Variants in GNG12 observed in about 807,000 individuals in gnomAD.
GNG12 encodes the protein G protein subunit gamma 12, also known as guanine nucleotide-binding protein G(I)/G(S)/G(O) subunit gamma-12.
For synonymous variants in GNG12, 28 were observed against 29.7 expected (o/e 0.94, Z 0.19); for missense variants, 69 against 83.8 (o/e 0.82, Z 0.69).
At chr1:67,765,650 C>A (rs1051575066) in intron 2 of GNG12, among the ~76,000 whole-genome samples, 5 of 152,142 alleles carry the variant, frequency 3.3e-5, no homozygotes, top group Admixed American at 3.3e-4. Context: ...TTTAAAAATA[C>A]ACAAAAAGTA....
Position 67,733,334 on chromosome 1 carries a change from C to T in GNG12, c.-26-25622G>A, listed in dbSNP as rs1570496323. On this transcript the variant is annotated intron_variant, in intron 2 of 3. Coordinates refer to ENST00000370982, the MANE Select transcript of GNG12 (RefSeq NM_018841.6). ...TAGAATACAAAGTTAAAACTCTTGC[C>T]TTCAAATTTCACTCTAAAGGGGTAA... 2.0e-5 allele frequency among the ~76,000 whole-genome samples: 3 copies of T among 152,230 alleles called. No individual in the cohort carries two copies. In the East Asian group the frequency reaches 5.8e-4, roughly 29 times the overall value.
At chr1:67,818,869 C>G (rs1413033930) in intron 1 of GNG12, among the ~76,000 whole-genome samples, 1 of 152,132 alleles carries the variant, frequency 6.6e-6, no homozygotes, top group Non-Finnish European at 1.5e-5. Flanking sequence ...AACTGAGACA[C>G]AGCCGTTAAA....
chr1:67,752,974 G>A (rs998968984), intron 2 of GNG12, among the ~76,000 whole-genome samples: 4 of 152,244 alleles, frequency 2.6e-5, no homozygotes, highest in East Asian at 1.9e-4. Context: ...TGACTGCTAC[G>A]CTGAATTATT....
At chr1:67,782,562 C>A (rs967270855) in intron 1 of GNG12, among the ~76,000 whole-genome samples, 3 of 152,080 alleles carry the variant, frequency 2.0e-5, no homozygotes, top group African/African-American at 7.2e-5. Context: ...CTTCTGAAGA[C>A]AAAGTTTTGT....
intron 1 of GNG12, among the ~76,000 whole-genome samples, chr1:67,782,667 T>TA (rs148417468): frequency 1.3e-5 from 2 of 152,172 alleles, no homozygotes; most frequent in Admixed American, 1.3e-4. Flanking sequence ...GTATAAATTT[T>TA]AAAAAAATAC....
chr1:67,752,982 A>G (rs1331418435), intron 2 of GNG12, among the ~76,000 whole-genome samples: 1 of 152,154 alleles, frequency 6.6e-6, no homozygotes, highest in Admixed American at 6.5e-5. Context: ...ACGCTGAATT[A>G]TTGGCCTCCC....
chr1:67,808,235 C>T (rs1476207978), intron 1 of GNG12, among the ~76,000 whole-genome samples: 1 of 152,018 alleles, frequency 6.6e-6, no homozygotes, highest in Non-Finnish European at 1.5e-5. Flanking sequence ...GCAGAAAAAG[C>T]ACTTGACAAA....
chr1:67,824,721 A>C (rs1647002290), intron 1 of GNG12, among the ~76,000 whole-genome samples: 1 of 152,202 alleles, frequency 6.6e-6, no homozygotes, highest in Non-Finnish European at 1.5e-5. Flanking sequence ...AGATAAAGCT[A>C]AGGTGGAGTT....
intron 2 of GNG12, among the ~76,000 whole-genome samples, chr1:67,720,409 G>A (rs553185479): frequency 4.6e-5 from 7 of 152,290 alleles, no homozygotes; most frequent in Admixed American, 1.3e-4. Flanking sequence ...TAAGAATGAC[G>A]TTTACAAACA....
chr1:67,753,804 T>C (rs148960551), intron 2 of GNG12, among the ~76,000 whole-genome samples: 1 of 152,316 alleles, frequency 6.6e-6, no homozygotes, highest in Non-Finnish European at 1.5e-5. Context: ...GGGGAGCTAC[T>C]TCTAGAACTG....
intron 2 of GNG12, among the ~76,000 whole-genome samples, chr1:67,755,358 T>C (rs1426360712): frequency 2.6e-5 from 4 of 152,248 alleles, no homozygotes; most frequent in Admixed American, 2.6e-4. Context: ...TGGGCACTTT[T>C]CACTTCCTAT....
intron 3 of GNG12, among the ~76,000 whole-genome samples, chr1:67,706,981 G>A (rs1188762602): frequency 1.3e-5 from 2 of 152,180 alleles, no homozygotes; most frequent in Non-Finnish European, 2.9e-5. Context: ...TTTCAAGGAA[G>A]AACTAGTCAT....
At chr1:67,724,544 C>T (rs905071307) in intron 2 of GNG12, among the ~76,000 whole-genome samples, 1 of 152,134 alleles carries the variant, frequency 6.6e-6, no homozygotes, top group Admixed American at 6.5e-5. Flanking sequence ...CATGTGCTTC[C>T]AAGCCCGGCT....
At chr1:67,733,933 T>A (rs1646436113) in intron 2 of GNG12, among the ~76,000 whole-genome samples, 1 of 152,116 alleles carries the variant, frequency 6.6e-6, no homozygotes, top group African/African-American at 2.4e-5. Flanking sequence ...TCAGGTGAAA[T>A]GGGGCAGTGG....
chr1:67,813,640 T>C (rs750782540), intron 1 of GNG12, among the ~76,000 whole-genome samples: 7 of 152,156 alleles, frequency 4.6e-5, no homozygotes, highest in Non-Finnish European at 1.0e-4. Context: ...AATAGTTCAC[T>C]GATCCCGCTA....
At chr1:67,752,528 C>T (rs1646544726) in intron 2 of GNG12, among the ~76,000 whole-genome samples, 1 of 152,126 alleles carries the variant, frequency 6.6e-6, no homozygotes, top group Admixed American at 6.5e-5. Flanking sequence ...TGCCTCTTTT[C>T]CTCTTGCACT....
intron 2 of GNG12, among the ~76,000 whole-genome samples, chr1:67,746,333 C>T (rs1646507285): frequency 6.6e-6 from 1 of 152,172 alleles, no homozygotes; most frequent in Admixed American, 6.5e-5. Flanking sequence ...GTTTCTCTTC[C>T]ATTCTTAATT....
chr1:67,750,183 G>A (rs1270480011), intron 2 of GNG12, among the ~76,000 whole-genome samples: 7 of 152,182 alleles, frequency 4.6e-5, no homozygotes, highest in Admixed American at 1.3e-4. Flanking sequence ...TGCTTGGCAC[G>A]CCAGGATCAT....
At chr1:67,824,727 G>A (rs1008532049) in intron 1 of GNG12, among the ~76,000 whole-genome samples, 1 of 152,156 alleles carries the variant, frequency 6.6e-6, no homozygotes, top group Non-Finnish European at 1.5e-5. Flanking sequence ...AGCTAAGGTG[G>A]AGTTCAACAG....
Sources: gnomAD v4.1 joint callset for allele counts (sites outside exome capture counted in the v4.1 genomes callset) on GRCh38, gnomAD v4.1.1 for gene constraint, MANE v1.5 for transcripts, NCBI Gene and HGNC (gene_info 2026-07-23, HGNC 2026-07-21) for gene names.